Variants in DYNC1I1 observed in about 807,000 individuals in gnomAD.
DYNC1I1 encodes the protein dynein cytoplasmic 1 intermediate chain 1, also known as cytoplasmic dynein 1 intermediate chain 1.
A neutral mutation model predicts 86.6 loss-of-function variants in DYNC1I1; 43 were observed. The ratio of observed to expected loss-of-function variants is 0.50; its 90% CI spans 0.39 to 0.64. DYNC1I1 has a LOEUF of 0.64. Among genes scored for constraint, DYNC1I1 ranks in the 30% least tolerant of loss-of-function variants. The pLI is 0.00. For missense variants in DYNC1I1, 604 were observed against 788.8 expected, an observed-to-expected ratio of 0.77 and a Z score of 2.81; for synonymous variants, 262 against 283.7, an observed-to-expected ratio of 0.92 and a Z score of 0.77.
chr7:96,097,102 TAC>T (rs1791034584), intron 16 of DYNC1I1, among the ~76,000 whole-genome samples: 1 of 152,184 alleles, frequency 6.6e-6, no homozygotes, highest in South Asian at 2.1e-4. Context: ...GAATAAAATA[TAC>T]AGTTATTTGA....
At chr7:95,816,835 A>T (rs571981670) in intron 4 of DYNC1I1, among the ~76,000 whole-genome samples, 1 of 152,348 alleles carries the variant, frequency 6.6e-6, no homozygotes, top group East Asian at 1.9e-4. Flanking sequence ...ATGTACTTAA[A>T]TTATACTTAA....
intron 14 of DYNC1I1, chr7:96,055,766 A>G (rs1376594265): frequency 6.6e-6 from 1 of 152,148 alleles, no homozygotes. Flanking sequence ...TTTTCTTTCC[A>G]GAGTGAAGTA....
At chr7:95,888,618 A>G (rs1231569571) in intron 6 of DYNC1I1, among the ~76,000 whole-genome samples, 1 of 152,140 alleles carries the variant, frequency 6.6e-6, no homozygotes, top group Non-Finnish European at 1.5e-5. Flanking sequence ...TTTTAGCAAA[A>G]TGTGATTTTT....
At chr7:96,004,153 A>C (rs1250809711) in intron 10 of DYNC1I1, among the ~76,000 whole-genome samples, 1 of 152,206 alleles carries the variant, frequency 6.6e-6, no homozygotes, top group Non-Finnish European at 1.5e-5. Context: ...GAAGTTTTCT[A>C]ACCTCTATTG....
intron 6 of DYNC1I1, among the ~76,000 whole-genome samples, chr7:95,924,338 G>A (rs972732055): frequency 1.3e-5 from 2 of 152,126 alleles, no homozygotes; most frequent in South Asian, 2.1e-4. Flanking sequence ...TCCAACTTGT[G>A]ATGTACTGTA....
At chr7:96,087,743 G>C (rs1447103533) in intron 16 of DYNC1I1, among the ~76,000 whole-genome samples, 1 of 152,152 alleles carries the variant, frequency 6.6e-6, no homozygotes, top group Non-Finnish European at 1.5e-5. Flanking sequence ...TTTTCAACTG[G>C]ATTTTTCAGT....
chr7:95,864,182 T>C (rs1312216371), intron 5 of DYNC1I1, among the ~76,000 whole-genome samples: 1 of 152,200 alleles, frequency 6.6e-6, no homozygotes, highest in East Asian at 1.9e-4. Flanking sequence ...GCTAACCTTA[T>C]TGTGAGTGGA....
intron 6 of DYNC1I1, among the ~76,000 whole-genome samples, chr7:95,924,380 G>A (rs568852771): frequency 5.9e-5 from 9 of 152,298 alleles, no homozygotes; most frequent in African/African-American, 2.2e-4. Flanking sequence ...TTTGAAGATA[G>A]TGTGAAAAGA....
Position 95,943,883 on chromosome 7 carries a change from T to A in DYNC1I1, c.491-33629T>A, listed in dbSNP as rs573519973. On this transcript the variant is annotated intron_variant, in intron 6 of 16. Transcript: ENST00000447467. ...TATACAAAAATTAATTCAAGATGGA[T>A]TAAAGACTTAAACGTTAGACCTAAA... 4.9e-3 allele frequency among the ~76,000 whole-genome samples: 745 copies of A among 151,848 alleles called. 5 individuals carry two copies. The highest frequency in any genetic ancestry group is 8.7e-3 in the Non-Finnish European group (593 of 67,950).
At chr7:95,813,442 A>G in intron 4 of DYNC1I1, 105 bp downstream of exon 4, 9 of 1,372,582 alleles carry the variant, frequency 6.6e-6, no homozygotes, top group East Asian at 2.4e-5. Context: ...ATGTATCTGC[A>G]TGTGTACTTG....
intron 2 of DYNC1I1, among the ~76,000 whole-genome samples, chr7:95,809,789 T>C (rs1161060187): frequency 6.6e-6 from 1 of 152,180 alleles, no homozygotes; most frequent in African/African-American, 2.4e-5. Flanking sequence ...AGTTAGTATA[T>C]ATAATGGAAT....
intron 6 of DYNC1I1, among the ~76,000 whole-genome samples, chr7:95,963,105 A>G (rs1053242741): frequency 6.6e-6 from 1 of 152,162 alleles, no homozygotes; most frequent in African/African-American, 2.4e-5. Context: ...TCCTGAAATG[A>G]AACTCTGCAT....
At position 96,028,233 on chromosome 7, in the gene DYNC1I1, C is replaced by T; in HGVS notation, c.1028C>T (p.Thr343Ile). ...RFHPNLVVGG[T>I]YSGQIVLWDN... ...CATCCTAACTTGGTGGTTGGTGGGA[C>T]TTACTCGGGCCAGATTGTCCTCTGG... Residue 343 changes from threonine to isoleucine, a missense_variant, in exon 11 of 17, where the codon ACT (threonine) becomes ATT (isoleucine). Thr to Ile is a moderately conservative substitution (Grantham distance 89). Coordinates refer to ENST00000447467, the MANE Select transcript of DYNC1I1 (RefSeq NM_001135556.2). 1.2e-6 allele frequency: 2 copies of T among 1,613,898 alleles called. No homozygotes were observed. The highest frequency in any genetic ancestry group is 1.7e-6 in the Non-Finnish European group (2 of 1,179,876).
intron 6 of DYNC1I1, among the ~76,000 whole-genome samples, chr7:95,972,346 C>A (rs907119729): frequency 6.6e-6 from 1 of 152,074 alleles, no homozygotes; most frequent in Admixed American, 6.6e-5. Flanking sequence ...GCTGCTACTG[C>A]GTTTTCCTCC....
chr7:96,072,610 G>T (rs556895375), intron 14 of DYNC1I1, among the ~76,000 whole-genome samples: 64 of 152,086 alleles, frequency 4.2e-4, no homozygotes, highest in South Asian at 1.0e-3. Flanking sequence ...ACAATTATTG[G>T]TCAAATTTGC....
At chr7:95,956,817 A>G (rs758933858) in intron 6 of DYNC1I1, among the ~76,000 whole-genome samples, 14 of 152,186 alleles carry the variant, frequency 9.2e-5, no homozygotes, top group Non-Finnish European at 2.1e-4. Context: ...AGTCTTTGCT[A>G]TTGTGAGTGG....
intron 6 of DYNC1I1, among the ~76,000 whole-genome samples, chr7:95,877,464 T>G (rs146887064): frequency 1.5e-4 from 23 of 152,302 alleles, no homozygotes; most frequent in African/African-American, 5.5e-4. Context: ...AGTGTGCCAT[T>G]GTCCCCTCCC....
intron 6 of DYNC1I1, among the ~76,000 whole-genome samples, chr7:95,929,237 A>T (rs1406832840): frequency 6.6e-6 from 1 of 152,072 alleles, no homozygotes; most frequent in Non-Finnish European, 1.5e-5. Flanking sequence ...CCCTGTATTT[A>T]TTGAACTCAG....
intron 5 of DYNC1I1, among the ~76,000 whole-genome samples, chr7:95,857,688 C>T (rs570770488): frequency 6.6e-5 from 10 of 152,152 alleles, no homozygotes; most frequent in Non-Finnish European, 1.3e-4. Flanking sequence ...GATGTAAGTC[C>T]TTTCAGGCAT....
Sources: allele counts gnomAD v4.1 joint callset (sites outside exome capture counted in the v4.1 genomes callset), GRCh38; gene constraint gnomAD v4.1.1; transcripts MANE v1.5; gene names NCBI Gene and HGNC (gene_info 2026-07-23, HGNC 2026-07-21).